TRAFD1: variants seen among roughly 807,000 people sequenced by gnomAD.
TRAFD1 encodes TRAF-type zinc finger domain containing 1, also known as TRAF-type zinc finger domain-containing protein 1.
In TRAFD1, 38 loss-of-function variants were observed where a neutral mutation model predicts 65.3. That is an observed-to-expected ratio of 0.58 (90% CI 0.45 to 0.76). The LOEUF is 0.76. Among genes scored for constraint, TRAFD1 ranks in the 30% least tolerant of loss-of-function variants. The probability of loss-of-function intolerance (pLI) is 0.00; values close to 1 mark genes in which losing one functional copy is unlikely to be tolerated. For synonymous variants in TRAFD1, 223 were observed against 257.2 expected (o/e 0.87, Z 1.27); for missense variants, 631 against 712.6 (o/e 0.89, Z 1.30).
At chr12:112,134,527 A>G (rs2079585576) in intron 2 of TRAFD1, among the ~76,000 whole-genome samples, 1 of 152,158 alleles carries the variant, frequency 6.6e-6, no homozygotes, top group Admixed American at 6.5e-5. Context: ...AAGTGCTGAG[A>G]TTACAGGCAT....
intron 2 of TRAFD1, among the ~76,000 whole-genome samples, chr12:112,132,195 A>G (rs1190130780): frequency 6.6e-6 from 1 of 152,180 alleles, no homozygotes; most frequent in Non-Finnish European, 1.5e-5. Flanking sequence ...CAATCACAAT[A>G]TAACATTTCT....
At chr12:112,138,902 C>T (rs1474702014) in intron 4 of TRAFD1, among the ~76,000 whole-genome samples, 1 of 151,328 alleles carries the variant, frequency 6.6e-6, no homozygotes, top group African/African-American at 2.4e-5. Flanking sequence ...ATTCTAAATG[C>T]TACTCCAACA....
intron 9 of TRAFD1, 120 bp downstream of exon 9, chr12:112,149,991 C>G: frequency 1.4e-6 from 2 of 1,413,696 alleles, no homozygotes; most frequent in Non-Finnish European, 1.9e-6. Context: ...TCCAAACACA[C>G]TAGGGTCTCA....
At position 112,149,770 on chromosome 12, in the gene TRAFD1, C is replaced by T; in HGVS notation, c.1178C>T (p.Pro393Leu). The change falls in exon 9 of 12, where the codon CCA becomes CTA. Residue 393 changes from proline (P) to leucine (L), a missense_variant. Coordinates refer to ENST00000412615, the MANE Select transcript of TRAFD1 (RefSeq NM_006700.3). ...FHHQDQCDQR[P>L]ATATNHVTEG... The stretch of plus-strand genomic sequence containing the variant: ...GTTTAGGACCAGTGTGACCAACGCC[C>T]AGCCACTGCAACCAACCATGTGACA... 1.2e-6 allele frequency: 2 copies of T among 1,614,146 alleles called. No individual in the cohort carries two copies. The highest frequency in any genetic ancestry group is 1.7e-6 in the Non-Finnish European group (2 of 1,180,004).
intron 6 of TRAFD1, among the ~76,000 whole-genome samples, chr12:112,143,220 C>T (rs2030140211): frequency 6.6e-6 from 1 of 152,120 alleles, no homozygotes; most frequent in African/African-American, 2.4e-5. Flanking sequence ...GCTGGGACTA[C>T]AGGCGCCCAC....
intron 1 of TRAFD1, among the ~76,000 whole-genome samples, chr12:112,126,356 A>G (rs543849326): frequency 1.2e-4 from 18 of 152,212 alleles, no homozygotes; most frequent in African/African-American, 4.1e-4. Flanking sequence ...TATAAGCTTG[A>G]AGACTTTTCT....
intron 1 of TRAFD1, among the ~76,000 whole-genome samples, chr12:112,128,202 C>T (rs767640369): frequency 4.6e-4 from 70 of 150,770 alleles, no homozygotes; most frequent in African/African-American, 1.2e-3. Flanking sequence ...AGAGGTGTTT[C>T]GCCATGCTGG....
intron 1 of TRAFD1, among the ~76,000 whole-genome samples, chr12:112,126,349 A>G (rs2079537423): frequency 6.6e-6 from 1 of 152,010 alleles, no homozygotes; most frequent in Admixed American, 6.6e-5. Context: ...GGCTCCTTAT[A>G]AGCTTGAAGA....
At chr12:112,132,953 C>T (rs998172721) in intron 2 of TRAFD1, among the ~76,000 whole-genome samples, 2 of 152,114 alleles carry the variant, frequency 1.3e-5, no homozygotes, top group Non-Finnish European at 2.9e-5. Context: ...TATTGTTATA[C>T]GTACCTTCTT....
rs1161241815 is a variant in TRAFD1, at chr12:112,152,183, A to C, written c.1619+43A>C. 1 of 1,575,396 alleles carries C rather than the reference A, an allele frequency of 6.3e-7. No individual in the cohort carries two copies. The highest frequency in any genetic ancestry group is 1.2e-5 in the South Asian group (1 of 86,490). Reference sequence around the variant, plus strand: ...AGGAATGGGGCTTGGGAGTAGCTGAAGCGAACATGGGCAAAGGCCTGGTTA... The same window carrying C: ...AGGAATGGGGCTTGGGAGTAGCTGACGCGAACATGGGCAAAGGCCTGGTTA... On this transcript the variant is annotated intron_variant, in intron 10 of 11. Coordinates refer to ENST00000412615, the MANE Select transcript of TRAFD1 (RefSeq NM_006700.3). The surrounding 1 kb of genome is among the most constrained non-coding windows in gnomAD (Gnocchi z 5.0).
intron 2 of TRAFD1, among the ~76,000 whole-genome samples, chr12:112,134,261 C>T (rs575788774): frequency 5.3e-5 from 8 of 150,946 alleles, no homozygotes; most frequent in African/African-American, 1.7e-4. Flanking sequence ...CTGCCCGCCT[C>T]AGCCTCTCAA....
intron 8 of TRAFD1, chr12:112,149,267 A>G (rs1171025778): frequency 6.6e-6 from 1 of 152,552 alleles, no homozygotes; most frequent in African/African-American, 2.4e-5. Context: ...TTTGGGATCA[A>G]ACAGTAGATA....
At chr12:112,146,995 T>G (rs950006401) in intron 7 of TRAFD1, among the ~76,000 whole-genome samples, 2 of 119,588 alleles carry the variant, frequency 1.7e-5, no homozygotes, top group African/African-American at 3.2e-5. Context: ...CTGTTTTTTT[T>G]TTTTTTTTTT....
Position 112,148,146 on chromosome 12 carries a change from C to A in TRAFD1, c.1000C>A (p.Pro334Thr), listed in dbSNP as rs756290262. The A allele has an allele frequency of 3.1e-6, 5 of 1,614,068 alleles. No homozygotes were observed. In the African/African-American group the frequency reaches 5.3e-5, roughly 17 times the overall value. The change falls in exon 8 of 12, where the codon CCT becomes ACT. Residue 334 changes from proline to threonine, a missense_variant. Physicochemically the swap from Pro to Thr is conservative, Grantham distance 38. Transcript: ENST00000412615. ...CTCTTCCCCCAGAGGGGTGGAGGAACCTGATGTCATCTTCCAGAACTTCTT... is the reference window on the plus strand; with the variant it reads ...CTCTTCCCCCAGAGGGGTGGAGGAAACTGATGTCATCTTCCAGAACTTCTT... ...GSSSPRGVEE[P>T]DVIFQNFLQQ...
rs904099350 is a variant in TRAFD1, at chr12:112,137,284, A to C, written c.237+2218A>C. 6.6e-6 allele frequency among the ~76,000 whole-genome samples: 1 copy of C among 152,340 alleles called. No individual in the cohort carries two copies. The highest frequency in any genetic ancestry group is 1.9e-4 in the East Asian group (1 of 5,188). On this transcript the variant is annotated intron_variant, in intron 4 of 11. Coordinates refer to ENST00000412615, the MANE Select transcript of TRAFD1 (RefSeq NM_006700.3). The surrounding 1 kb of genome is among the most constrained non-coding windows in gnomAD (Gnocchi z 4.2). Reference sequence around the variant, plus strand: ...AGTGTTGACATAAACAGTCAAAAGCACCACTCAGTCTTTTATAATGCAAGT... The same window carrying C: ...AGTGTTGACATAAACAGTCAAAAGCCCCACTCAGTCTTTTATAATGCAAGT...
At position 112,145,629 on chromosome 12, in the gene TRAFD1, G is replaced by A; in HGVS notation, c.894G>A (p.Glu298=). ...TGTTGCCTTGTGAATTTTGTGAGGAGCTCTACCCAGAGGAACTGCTGATTG... is the reference window on the plus strand; with the variant it reads ...TGTTGCCTTGTGAATTTTGTGAGGAACTCTACCCAGAGGAACTGCTGATTG... ...EIMLPCEFCE[E]LYPEELLIDH... is the part of the protein sequence containing the mutation. Residue 298 remains glutamate, a synonymous_variant, in exon 7 of 12, where the codon GAG becomes GAA. Coordinates refer to ENST00000412615, the MANE Select transcript of TRAFD1 (RefSeq NM_006700.3). 2 of 1,614,146 alleles carry A rather than the reference G, an allele frequency of 1.2e-6. No individual in the cohort carries two copies. The highest frequency in any genetic ancestry group is 1.7e-6 in the Non-Finnish European group (2 of 1,180,026).
intron 6 of TRAFD1, among the ~76,000 whole-genome samples, chr12:112,144,978 A>G (rs1593870520): frequency 6.6e-6 from 1 of 152,224 alleles, no homozygotes; most frequent in Non-Finnish European, 1.5e-5. Context: ...TCTACTTGGT[A>G]GAGACTTTTC....
intron 9 of TRAFD1, 117 bp from the exon 10 acceptor site, chr12:112,151,684 C>G: frequency 2.0e-6 from 2 of 1,011,068 alleles, no homozygotes; most frequent in Non-Finnish European, 2.9e-6. Flanking sequence ...AGGCATGAGC[C>G]ACCACGCCTG....
At position 112,153,081 on chromosome 12, in the gene TRAFD1, C is replaced by T. The variant is rs898645354; in HGVS notation, c.*290C>T. On this transcript the variant is annotated 3_prime_UTR_variant, in exon 12 of 12. Coordinates refer to ENST00000412615, the MANE Select transcript of TRAFD1 (RefSeq NM_006700.3). ...CCAGGGCTCCCTTTTGACTTATTGT[C>T]GCCACTGCCCCTTGGTGCTGTGTGG... is the stretch of plus-strand genomic sequence containing the variant. 7.2e-5 allele frequency: 26 copies of T among 363,172 alleles called. No individual in the cohort carries two copies. The highest frequency in any genetic ancestry group is 2.2e-4 in the Admixed American group (5 of 22,952). 22.5% of individuals were successfully genotyped at this position (363,172 alleles called of 1,614,324 possible). A position where few individuals can be genotyped will look rare whatever the true frequency, so the allele number is the denominator to read the frequency against.
Sources: gnomAD v4.1 joint callset for allele counts (sites outside exome capture counted in the v4.1 genomes callset) on GRCh38, gnomAD v4.1.1 for gene constraint, Gnocchi (gnomAD v3.1) non-coding constraint, MANE v1.5 for transcripts, NCBI Gene and HGNC (gene_info 2026-07-23, HGNC 2026-07-21) for gene names.